Variants in PPFIA1 observed in about 807,000 individuals in gnomAD.
PPFIA1 encodes the protein liprin-alpha-1.
In PPFIA1, 25 loss-of-function variants were observed where a neutral mutation model predicts 149.9. The observed-to-expected ratio is 0.17, with a 90% confidence interval of 0.12 to 0.23. The LOEUF (loss-of-function observed/expected upper bound fraction) is 0.23. Ranked by LOEUF, PPFIA1 falls within the 10% of genes least tolerant of loss-of-function variation. The pLI, the probability that PPFIA1 is intolerant of heterozygous loss-of-function variation, is 1.00. For missense variants in PPFIA1, 1,362 were observed against 1,506.5 expected (o/e 0.90, Z 1.59); for synonymous variants, 549 against 552.8 (o/e 0.99, Z 0.10).
At chr11:70,281,576 C>G (rs765065401) in intron 2 of PPFIA1, among the ~76,000 whole-genome samples, 2 of 152,220 alleles carry the variant, frequency 1.3e-5, no homozygotes, top group Non-Finnish European at 2.9e-5. Flanking sequence ...CCCTTAAGTC[C>G]TGGCTGACTG....
rs754117413 is a variant in PPFIA1 at position 70,382,046 on chromosome 11, C to T, written c.3551-42C>T. 4 of 1,585,428 alleles carry T rather than the reference C, an allele frequency of 2.5e-6. No individual in the cohort carries two copies. The South Asian group carries it at 4.4e-5, about 18-fold the overall frequency. On this transcript the variant is annotated intron_variant, in intron 26 of 27. Coordinates refer to ENST00000253925, the MANE Select transcript of PPFIA1 (RefSeq NM_003626.5). ...TCATGTGATGTTCTAAGACTAACTG[C>T]ACGCTGTGTTTGCACGCTTCCTCTC...
chr11:70,291,104 T>C (rs1295651074), intron 2 of PPFIA1, among the ~76,000 whole-genome samples: 1 of 152,180 alleles, frequency 6.6e-6, no homozygotes, highest in Non-Finnish European at 1.5e-5. Flanking sequence ...AGCCTGGTCT[T>C]GAACTCCCGA....
rs1591413342 is a variant in PPFIA1, at chr11:70,383,189, G to T, written c.*199G>T. On this transcript the variant is annotated 3_prime_UTR_variant, in exon 28 of 28. Coordinates refer to ENST00000253925, the MANE Select transcript of PPFIA1 (RefSeq NM_003626.5). ...TAGAGAAAATATTTTAGAATTTAATGTTTCTTATATTTATGTAAACTTATG... is the reference window on the plus strand; with the variant it reads ...TAGAGAAAATATTTTAGAATTTAATTTTTCTTATATTTATGTAAACTTATG... 1 of 328,518 alleles carries T rather than the reference G, an allele frequency of 3.0e-6. No individual in the cohort carries two copies. Among genetic ancestry groups the T allele is most frequent in the South Asian group, 2.4e-5 (1 of 41,526 alleles). 20.4% of individuals were successfully genotyped at this position (328,518 alleles called of 1,614,324 possible).
chr11:70,344,269 G>T (rs3781644), intron 15 of PPFIA1, among the ~76,000 whole-genome samples: 1 of 152,036 alleles, frequency 6.6e-6, no homozygotes, highest in Non-Finnish European at 1.5e-5. Flanking sequence ...GGAGGAGGCT[G>T]ATCGGCCTAC....
chr11:70,383,482 G>T lies in PPFIA1; in HGVS notation c.*492G>T. The stretch of plus-strand genomic sequence containing the variant: ...CATTATCCTTTACGGACGCAGCCTA[G>T]CTCTACAGCAATCATCCTGAAATAA... On this transcript the variant is annotated 3_prime_UTR_variant, in exon 28 of 28. Coordinates refer to ENST00000253925, the MANE Select transcript of PPFIA1 (RefSeq NM_003626.5). 1 of 161,388 alleles carries T rather than the reference G, an allele frequency of 6.2e-6. No individual in the cohort carries two copies. Among genetic ancestry groups the T allele is most frequent in the Non-Finnish European group, 1.3e-5 (1 of 74,496 alleles). 10.0% of individuals were successfully genotyped at this position (161,388 alleles called of 1,614,324 possible). A position where few individuals can be genotyped will look rare whatever the true frequency, so the allele number is the denominator to read the frequency against.
At position 70,338,437 on chromosome 11, in the gene PPFIA1, G is replaced by T. The variant is rs766746363; in HGVS notation, c.1555G>T (p.Ala519Ser). The T allele has an allele frequency of 6.2e-7, 1 of 1,611,372 alleles. No individual in the cohort carries two copies. Among genetic ancestry groups the T allele is most frequent in the South Asian group, 1.1e-5 (1 of 91,030 alleles). ...AELDHMRLRG[A>S]SLHHGRPHLG... is the part of the protein sequence containing the mutation. ...ACTAGACCACATGAGACTAAGAGGT[G>T]CTTCACTTCATCATGGGTATGGTAT... Residue 519 changes from alanine to serine, a missense_variant, in exon 13 of 28, where the codon GCT (alanine) becomes TCT (serine). Coordinates refer to ENST00000253925, the MANE Select transcript of PPFIA1 (RefSeq NM_003626.5).
chr11:70,312,417 C>T (rs2053343965), intron 2 of PPFIA1, among the ~76,000 whole-genome samples: 1 of 152,150 alleles, frequency 6.6e-6, no homozygotes, highest in Admixed American at 6.5e-5. Flanking sequence ...TCTCAAACTC[C>T]TGGCCTCAAA....
At chr11:70,375,852 C>CA (rs1481534533) in intron 24 of PPFIA1, among the ~76,000 whole-genome samples, 4 of 151,862 alleles carry the variant, frequency 2.6e-5, no homozygotes, top group African/African-American at 9.7e-5. Flanking sequence ...CTGACCAACC[C>CA]ACACAACACA....
rs914772327 is a variant in PPFIA1, at chr11:70,325,447, TA to T, written c.532-49del. On this transcript the variant is annotated intron_variant, in intron 4 of 27. Coordinates refer to ENST00000253925, the MANE Select transcript of PPFIA1 (RefSeq NM_003626.5). The stretch of plus-strand genomic sequence containing the variant: ...ATTACACTTAACTATATATTAAGAA[TA>T]AAATAAACAGTATACACACACACAC... The T allele has an allele frequency of 1.1e-5, 13 of 1,213,390 alleles. No homozygotes were observed. The Admixed American group carries it at 1.9e-4, about 18-fold the overall frequency. 75.2% of individuals were successfully genotyped at this position (1,213,390 alleles called of 1,614,324 possible).
chr11:70,275,350 C>T (rs2050320811), intron 2 of PPFIA1, among the ~76,000 whole-genome samples: 1 of 152,176 alleles, frequency 6.6e-6, no homozygotes, highest in African/African-American at 2.4e-5. Flanking sequence ...TACATATGTG[C>T]ATGACAGATT....
rs1345266791 is a variant in PPFIA1 at position 70,338,401 on chromosome 11, C to T, written c.1519C>T (p.Leu507=). ...KDQLVLNIEA[L]RAELDHMRLR... is the part of the protein sequence containing the mutation. ...TCAGCTTGTCCTAAACATTGAAGCACTGAGGGCTGAACTAGACCACATGAG... is the reference window on the plus strand; with the variant it reads ...TCAGCTTGTCCTAAACATTGAAGCATTGAGGGCTGAACTAGACCACATGAG... Residue 507 remains leucine, a synonymous_variant, in exon 13 of 28, where the codon CTG becomes TTG. Transcript: ENST00000253925. 1 of 1,613,402 alleles carries T rather than the reference C, an allele frequency of 6.2e-7. No homozygotes were observed. Among genetic ancestry groups the T allele is most frequent in the Non-Finnish European group, 8.5e-7 (1 of 1,179,338 alleles).
Position 70,339,324 on chromosome 11 carries a change from A to C in PPFIA1, c.1707+18A>C, listed in dbSNP as rs1211044471. 1 of 1,606,988 alleles carries C rather than the reference A, an allele frequency of 6.2e-7. No individual in the cohort carries two copies. The highest frequency in any genetic ancestry group is 1.7e-5 in the Admixed American group (1 of 59,398). On this transcript the variant is annotated intron_variant, in intron 14 of 27. Coordinates refer to ENST00000253925, the MANE Select transcript of PPFIA1 (RefSeq NM_003626.5). ...CTTCCAAGGCAAGGTCTTTGTGTGAAATACCTCTGCTTACGTGAAAGTTAC... is the reference window on the plus strand; with the variant it reads ...CTTCCAAGGCAAGGTCTTTGTGTGACATACCTCTGCTTACGTGAAAGTTAC...
chr11:70,338,511 G>A, intron 13 of PPFIA1, 58 bp downstream of exon 13: 1 of 1,406,198 alleles, frequency 7.1e-7, no homozygotes, highest in South Asian at 1.2e-5. Flanking sequence ...GCCAGTTCTT[G>A]GCTATGTGGG....
At chr11:70,381,963 C>A in intron 26 of PPFIA1, 125 bp from the exon 27 acceptor site, 1 of 774,234 alleles carries the variant, frequency 1.3e-6, no homozygotes, top group East Asian at 2.7e-5. Flanking sequence ...AGGCAGCTCC[C>A]CTCAGGTCCC....
At chr11:70,366,837 C>T (rs538883426) in intron 21 of PPFIA1, among the ~76,000 whole-genome samples, 4 of 152,254 alleles carry the variant, frequency 2.6e-5, no homozygotes, top group South Asian at 4.1e-4. Flanking sequence ...GTCCCCCCAC[C>T]TTTTTTTATT....
In PPFIA1 at chr11:70,348,351, G is replaced by A; in HGVS notation, c.2094G>A (p.Gly698=). Residue 698 remains glycine (G), a synonymous_variant, in exon 16 of 28, where the codon GGG becomes GGA. Coordinates refer to ENST00000253925, the MANE Select transcript of PPFIA1 (RefSeq NM_003626.5). ...SLASSSPPGS[G]RSTPRRIPHS... ...CTAGCTCCTCCCCTCCGGGCAGTGGGCGCTCCACCCCACGAAGGATCCCTC... is the reference window on the plus strand; with the variant it reads ...CTAGCTCCTCCCCTCCGGGCAGTGGACGCTCCACCCCACGAAGGATCCCTC... 1 of 1,614,142 alleles carries A rather than the reference G, an allele frequency of 6.2e-7. No individual in the cohort carries two copies. The highest frequency in any genetic ancestry group is 8.5e-7 in the Non-Finnish European group (1 of 1,180,004).
intron 2 of PPFIA1, among the ~76,000 whole-genome samples, chr11:70,288,469 C>T (rs2051304760): frequency 6.6e-6 from 1 of 152,116 alleles, no homozygotes. Flanking sequence ...GATTGCAGAC[C>T]TCTCCTTTGA....
chr11:70,350,995 C>A, intron 16 of PPFIA1: 1 of 1,255,772 alleles, frequency 8.0e-7, no homozygotes, highest in South Asian at 1.3e-5. Context: ...ATCTATCAGC[C>A]TAGTGATTTA....
At position 70,324,499 on chromosome 11, in the gene PPFIA1, C is replaced by T. The variant is rs1210929380; in HGVS notation, c.362C>T (p.Thr121Ile). The T allele has an allele frequency of 6.2e-7, 1 of 1,607,244 alleles. No individual in the cohort carries two copies. Among genetic ancestry groups the T allele is most frequent in the South Asian group, 1.1e-5 (1 of 90,884 alleles). ...IAELKAERNNTRLLLEHLECL... is the reference protein window; with the variant it reads ...IAELKAERNNIRLLLEHLECL... ...GAACTGAAAGCAGAAAGGAATAACA[C>T]CAGGGTGAGTGTGACCTTTCTGTTC... is the stretch of plus-strand genomic sequence containing the variant. Residue 121 changes from threonine (T) to isoleucine (I), a missense_variant, in exon 3 of 28, where the codon ACC (threonine) becomes ATC (isoleucine). Coordinates refer to ENST00000253925, the MANE Select transcript of PPFIA1 (RefSeq NM_003626.5).
Sources: allele counts gnomAD v4.1 joint callset (sites outside exome capture counted in the v4.1 genomes callset), GRCh38; gene constraint gnomAD v4.1.1; transcripts MANE v1.5; gene names NCBI Gene and HGNC (gene_info 2026-07-23, HGNC 2026-07-21).